The following SYNPR variants were observed in gnomAD, a reference collection of about 807,000 sequenced individuals.
SYNPR encodes the protein synaptoporin.
SYNPR carries 23 observed loss-of-function variants against 32.9 expected under a neutral mutation model. The ratio of observed to expected loss-of-function variants is 0.70; its 90% CI spans 0.50 to 0.99. The LOEUF is 0.99. Among genes scored for constraint, SYNPR ranks in the 50% least tolerant of loss-of-function variants. The pLI is 0.00. For synonymous variants in SYNPR, 146 were observed against 135.9 expected (o/e 1.07, Z -0.52); for missense variants, 318 against 349.3 (o/e 0.91, Z 0.71).
intron 3 of SYNPR, among the ~76,000 whole-genome samples, chr3:63,519,645 C>T (rs1701868437): frequency 6.6e-6 from 1 of 152,206 alleles, no homozygotes; most frequent in African/African-American, 2.4e-5. Context: ...CAGATTATTT[C>T]CCAACTGCAT....
rs111767812 is a variant in SYNPR, at chr3:63,233,795, C to A, written n.66+5415C>A. Among the ~76,000 whole-genome samples, 1,464 of 152,264 alleles carry A rather than the reference C, an allele frequency of 9.6e-3. 22 individuals carry two copies. Among genetic ancestry groups the A allele is most frequent in the African/African-American group, 0.033 (1,368 of 41,542 alleles). ...CCTCAAGTCATCCTGTATAGATATG[C>A]AATCCAAATAAAACAGTATGTATGT... On this transcript the variant is annotated intron_variant and non_coding_transcript_variant, in intron 1 of 4. Coordinates refer to the SYNPR transcript ENST00000478456.
the SYNPR span, among the ~76,000 whole-genome samples, chr3:63,217,646 G>C: frequency 4.1e-3 from 623 of 150,984 alleles, 5 homozygotes; most frequent in African/African-American, 0.014. Flanking sequence ...ACCTCAGATG[G>C]AAATGCAGAA....
intron 2 of SYNPR, among the ~76,000 whole-genome samples, chr3:63,283,951 G>C (rs1464823793): frequency 8.6e-5 from 13 of 151,454 alleles, no homozygotes; most frequent in Non-Finnish European, 1.0e-4. Context: ...TGGGACTACA[G>C]GCGCCTGCCA....
intron 3 of SYNPR, among the ~76,000 whole-genome samples, chr3:63,521,330 A>G (rs1354564743): frequency 6.6e-6 from 1 of 152,220 alleles, no homozygotes; most frequent in Non-Finnish European, 1.5e-5. Flanking sequence ...TTTGAGAACC[A>G]CTGTTTAAAA....
intron 1 of SYNPR, among the ~76,000 whole-genome samples, chr3:63,236,464 G>T (rs1173994399): frequency 3.3e-5 from 5 of 152,016 alleles, no homozygotes; most frequent in Non-Finnish European, 5.9e-5. Flanking sequence ...TCAATTTGGG[G>T]AGAATTGATG....
At position 63,616,870 on chromosome 3, in the gene SYNPR, G is replaced by T. The variant is rs1257594783; in HGVS notation, c.*1389G>T. On this transcript the variant is annotated 3_prime_UTR_variant, in exon 6 of 6. Coordinates refer to ENST00000478300, the MANE Select transcript of SYNPR (RefSeq NM_001130003.2). ...TGTAACCAGTTTCTGAATCCCGTTG[G>T]ATAAAACTGTATTGTGATATCTATT... 1 of 152,214 alleles carries T rather than the reference G, an allele frequency of 6.6e-6. No individual in the cohort carries two copies. The highest frequency in any genetic ancestry group is 1.9e-4 in the East Asian group (1 of 5,196). The allele number at this position is 152,214 out of a possible 1,614,324, so 9.4% of individuals were successfully genotyped here. A position where few individuals can be genotyped will look rare whatever the true frequency, so the allele number is the denominator to read the frequency against.
intron 3 of SYNPR, among the ~76,000 whole-genome samples, chr3:63,516,928 T>C (rs1441049591): frequency 6.6e-6 from 1 of 152,184 alleles, no homozygotes; most frequent in Non-Finnish European, 1.5e-5. Flanking sequence ...TATATATTCA[T>C]GAAGCCTCTG....
At chr3:63,434,411 C>T (rs1174767489) in intron 2 of SYNPR, among the ~76,000 whole-genome samples, 27 of 152,128 alleles carry the variant, frequency 1.8e-4, no homozygotes, top group Non-Finnish European at 1.5e-5. Flanking sequence ...GGTGAATAAA[C>T]AGAGGTTTGG....
rs1400956157 is a variant in SYNPR at position 63,342,499 on chromosome 3, C to T, written c.84+63757C>T. ...GTCATGTTGTGTAGTTATTTTCTTA[C>T]ATCATTGGATTCAGTTTGCTAATAT... On this transcript the variant is annotated intron_variant, in intron 2 of 5. Transcript: ENST00000478300. 2.6e-5 allele frequency among the ~76,000 whole-genome samples: 4 copies of T among 152,162 alleles called. No homozygotes were observed. In the East Asian group the frequency reaches 7.7e-4, roughly 29 times the overall value.
At chr3:63,541,633 A>G (rs1575701438) in intron 3 of SYNPR, among the ~76,000 whole-genome samples, 1 of 152,216 alleles carries the variant, frequency 6.6e-6, no homozygotes, top group Non-Finnish European at 1.5e-5. Context: ...CTCTTTTTAT[A>G]AAATTATTTC....
At chr3:63,218,880 CT>C in the SYNPR span, among the ~76,000 whole-genome samples, 2 of 152,280 alleles carry the variant, frequency 1.3e-5, no homozygotes, top group South Asian at 4.2e-4. Context: ...TTAAACAACT[CT>C]AACCTGACTC....
At chr3:63,606,206 T>C (rs1401275868) in intron 4 of SYNPR, among the ~76,000 whole-genome samples, 1 of 152,048 alleles carries the variant, frequency 6.6e-6, no homozygotes, top group Admixed American at 6.6e-5. Context: ...AATGACAAAG[T>C]CTGAACTTTT....
At chr3:63,208,157 T>A in the SYNPR span, among the ~76,000 whole-genome samples, 2 of 152,142 alleles carry the variant, frequency 1.3e-5, no homozygotes, top group Non-Finnish European at 2.9e-5. Context: ...AGAATATACA[T>A]CTCTTCCATA....
chr3:63,529,061 G>T (rs1422579228), intron 3 of SYNPR, among the ~76,000 whole-genome samples: 5 of 152,148 alleles, frequency 3.3e-5, no homozygotes, highest in African/African-American at 1.2e-4. Context: ...GCGATACAAA[G>T]TTTGATCACT....
rs993593734 is a variant in SYNPR, at chr3:63,249,203, G to A, written n.67-3296G>A. Among the ~76,000 whole-genome samples the A allele has an allele frequency of 3.3e-5, 5 of 152,168 alleles. No individual in the cohort carries two copies. The East Asian group carries it at 7.7e-4, about 24-fold the overall frequency. ...TCTGTGAGAATATGTTCAATCACTC[G>A]TATAACTAAAGACATGGAAAATCAG... is the stretch of plus-strand genomic sequence containing the variant. On this transcript the variant is annotated intron_variant and non_coding_transcript_variant, in intron 1 of 4. Transcript: ENST00000478456.
At chr3:63,457,470 G>A (rs72885458) in intron 2 of SYNPR, among the ~76,000 whole-genome samples, 2,899 of 152,074 alleles carry the variant, frequency 0.019, 99 homozygotes, top group African/African-American at 0.066. Flanking sequence ...AAGTACAGAA[G>A]GTTCATTTTA....
At chr3:63,312,561 A>G (rs1327601990) in intron 2 of SYNPR, among the ~76,000 whole-genome samples, 1 of 152,030 alleles carries the variant, frequency 6.6e-6, no homozygotes, top group African/African-American at 2.4e-5. Context: ...AAAAAAAGAG[A>G]AAGTCATTTC....
At chr3:63,490,291 G>A (rs1320413290) in intron 3 of SYNPR, among the ~76,000 whole-genome samples, 1 of 152,114 alleles carries the variant, frequency 6.6e-6, no homozygotes, top group Non-Finnish European at 1.5e-5. Context: ...TGCAGGAGAT[G>A]AAGCTGAAAA....
At chr3:63,550,958 C>T (rs949014508) in intron 3 of SYNPR, among the ~76,000 whole-genome samples, 2 of 152,218 alleles carry the variant, frequency 1.3e-5, no homozygotes, top group East Asian at 3.8e-4. Flanking sequence ...TTTTATTCCC[C>T]CATGTGTTAC....
Sources: allele counts gnomAD v4.1 joint callset (sites outside exome capture counted in the v4.1 genomes callset), GRCh38; gene constraint gnomAD v4.1.1; transcripts MANE v1.5; gene names NCBI Gene and HGNC (gene_info 2026-07-23, HGNC 2026-07-21).